Variants in CHODL observed in about 807,000 individuals in gnomAD.
The protein encoded by CHODL is transmembrane protein MT75.
In CHODL, 29 loss-of-function variants were observed where a neutral mutation model predicts 34.5. The observed-to-expected ratio is 0.84, with a 90% confidence interval of 0.63 to 1.15. CHODL has a LOEUF of 1.15. Among genes scored for constraint, CHODL ranks in the 50% most tolerant of loss-of-function variants. The pLI is 0.00. For synonymous variants in CHODL, 125 were observed against 116.1 expected (o/e 1.08, Z -0.49); for missense variants, 332 against 332.5 (o/e 1.00, Z 0.01).
At chr21:17,999,066 C>T (rs1477342777) in intron 1 of CHODL, among the ~76,000 whole-genome samples, 2 of 152,150 alleles carry the variant, frequency 1.3e-5, no homozygotes, top group Non-Finnish European at 2.9e-5. Context: ...ACCCAAGTCA[C>T]CTTTGAATGT....
chr21:17,973,405 T>TTTTC (rs1369277723), intron 1 of CHODL, among the ~76,000 whole-genome samples: 7 of 140,798 alleles, frequency 5.0e-5, no homozygotes, highest in African/African-American at 1.7e-4. Flanking sequence ...TTTTCTTTTC[T>TTTTC]TTTCTTTCTT....
At chr21:17,988,386 C>CT (rs2063770324) in intron 1 of CHODL, among the ~76,000 whole-genome samples, 3 of 106,022 alleles carry the variant, frequency 2.8e-5, no homozygotes, top group African/African-American at 1.4e-4. Flanking sequence ...TTTTTTTTTC[C>CT]CTTTTTTCCT....
Position 18,055,504 on chromosome 21 carries a change from T to C in CHODL, c.-45+27533T>C, listed in dbSNP as rs188731238. ...TAGGTTGAACAGGGTTTGAGGTTCA[T>C]AGTCTCATGCCTTTAGCTTCCTTGA... On this transcript the variant is annotated intron_variant, in intron 2 of 6. Transcript: ENST00000400127. Among the ~76,000 whole-genome samples, 309 of 152,224 alleles carry C rather than the reference T, an allele frequency of 2.0e-3. 2 individuals carry two copies. The highest frequency in any genetic ancestry group is 3.4e-3 in the Middle Eastern group (1 of 294).
intron 2 of CHODL, among the ~76,000 whole-genome samples, chr21:18,164,228 G>A (rs2073128472): frequency 6.6e-6 from 1 of 152,196 alleles, no homozygotes; most frequent in Admixed American, 6.5e-5. Flanking sequence ...GAAAGTCTCT[G>A]AGCTGCTCTT....
chr21:18,220,656 G>A (rs1488423983), intron 2 of CHODL, among the ~76,000 whole-genome samples: 1 of 150,360 alleles, frequency 6.7e-6, no homozygotes, highest in Non-Finnish European at 1.5e-5. Flanking sequence ...TTTCATTTTT[G>A]AATAATAGCT....
intron 1 of CHODL, among the ~76,000 whole-genome samples, chr21:17,936,617 TAA>T (rs1568806093): frequency 6.6e-6 from 1 of 152,134 alleles, no homozygotes; most frequent in African/African-American, 2.4e-5. Context: ...TTTGCATACT[TAA>T]AATAATAAAA....
At chr21:17,957,908 C>T (rs1249565768) in intron 1 of CHODL, among the ~76,000 whole-genome samples, 2 of 151,298 alleles carry the variant, frequency 1.3e-5, no homozygotes, top group Non-Finnish European at 2.9e-5. Context: ...ATAAATACCC[C>T]TCAGAACTGG....
intron 1 of CHODL, among the ~76,000 whole-genome samples, chr21:17,994,355 G>A (rs1329128816): frequency 2.6e-5 from 4 of 152,178 alleles, no homozygotes; most frequent in Admixed American, 6.6e-5. Context: ...AGTAATGGCA[G>A]TAGAGGGAGC....
intron 2 of CHODL, among the ~76,000 whole-genome samples, chr21:18,227,001 A>G (rs1282358899): frequency 6.6e-6 from 1 of 152,174 alleles, no homozygotes; most frequent in Non-Finnish European, 1.5e-5. Flanking sequence ...CATTTCTCAC[A>G]GTTTTGGAGG....
At position 18,256,734 on chromosome 21, in the gene CHODL, G is replaced by A. The variant is rs756719942; in HGVS notation, c.305G>A (p.Gly102Glu). 2.3e-5 allele frequency: 37 copies of A among 1,614,018 alleles called. No individual in the cohort carries two copies. The highest frequency in any genetic ancestry group is 3.4e-6 in the Non-Finnish European group (4 of 1,179,966). The change falls in exon 2 of 6, where the codon GGG (glycine) becomes GAG (glutamate). Residue 102 changes from glycine to glutamate, a missense_variant. Transcript: ENST00000299295. ...TGISDGDFWI[G>E]LWRNGDGQTS... ...ATTTCTGATGGTGATTTCTGGATAG[G>A]GCTTTGGAGGAATGGAGATGGGCAA...
intron 2 of CHODL, among the ~76,000 whole-genome samples, chr21:18,158,319 T>C (rs185012994): frequency 3.0e-4 from 46 of 152,310 alleles, no homozygotes; most frequent in Admixed American, 1.7e-3. Context: ...TGGCCCCTTT[T>C]AGCATCTGCC....
At chr21:18,207,659 CTTTTTTTTTTTT>C (rs34259143) in intron 2 of CHODL, among the ~76,000 whole-genome samples, 18 of 55,952 alleles carry the variant, frequency 3.2e-4, no homozygotes, top group African/African-American at 1.6e-3. Context: ...AATCTCTCAG[CTTTTTTTTTTTT>C]TTTTTTTTTG....
chr21:18,009,327 T>G (rs1315022854), intron 1 of CHODL, among the ~76,000 whole-genome samples: 3 of 152,204 alleles, frequency 2.0e-5, no homozygotes, highest in African/African-American at 4.8e-5. Flanking sequence ...ATTTTTTCAT[T>G]TTTAAAGGAA....
At chr21:18,145,891 C>T (rs531411320) in intron 2 of CHODL, among the ~76,000 whole-genome samples, 5 of 152,258 alleles carry the variant, frequency 3.3e-5, no homozygotes, top group South Asian at 2.1e-4. Context: ...TAGCTCAATA[C>T]GGAGTTAAAT....
chr21:17,984,336 G>T (rs942431149), intron 1 of CHODL, among the ~76,000 whole-genome samples: 1 of 152,152 alleles, frequency 6.6e-6, no homozygotes, highest in Non-Finnish European at 1.5e-5. Flanking sequence ...GAACATGGGA[G>T]TGCAGAAATC....
At chr21:18,095,077 T>A (rs957477318) in intron 2 of CHODL, among the ~76,000 whole-genome samples, 9 of 150,564 alleles carry the variant, frequency 6.0e-5, no homozygotes, top group African/African-American at 2.2e-4. Context: ...TGAGTCAAGA[T>A]CACACCACTG....
At chr21:18,044,084 C>T (rs922367628) in intron 2 of CHODL, among the ~76,000 whole-genome samples, 14 of 151,946 alleles carry the variant, frequency 9.2e-5, no homozygotes, top group African/African-American at 3.4e-4. Context: ...AGTTTCTTTT[C>T]CTTTCAGTCC....
chr21:18,052,199 C>T (rs1042544914), intron 2 of CHODL, among the ~76,000 whole-genome samples: 2 of 151,948 alleles, frequency 1.3e-5, no homozygotes, highest in Admixed American at 6.6e-5. Flanking sequence ...TTCATTTACT[C>T]ACATTAGGAC....
intron 2 of CHODL, among the ~76,000 whole-genome samples, chr21:18,183,468 T>C (rs2146679635): frequency 6.6e-6 from 1 of 152,342 alleles, no homozygotes; most frequent in Admixed American, 6.5e-5. Flanking sequence ...GAGATTCCAG[T>C]CCTCCTTGAG....
Sources: gnomAD v4.1 joint callset for allele counts (sites outside exome capture counted in the v4.1 genomes callset) on GRCh38, gnomAD v4.1.1 for gene constraint, MANE v1.5 for transcripts, NCBI Gene and HGNC (gene_info 2026-07-23, HGNC 2026-07-21) for gene names.